ADGRE3: variants seen among roughly 807,000 people sequenced by gnomAD.
The protein encoded by ADGRE3 is EGF-like module receptor 3.
A neutral mutation model predicts 80.1 loss-of-function variants in ADGRE3; 88 were observed. That is an observed-to-expected ratio of 1.10 (90% CI 0.93 to 1.31). The LOEUF (loss-of-function observed/expected upper bound fraction) is 1.31. Ranked by LOEUF, ADGRE3 falls within the 40% of genes most tolerant of loss-of-function variation. ADGRE3 has a pLI of 0.00. For missense variants in ADGRE3, 715 were observed against 776.5 expected, an observed-to-expected ratio of 0.92 and a Z score of 0.94; for synonymous variants, 281 against 294.8, an observed-to-expected ratio of 0.95 and a Z score of 0.48.
At chr19:14,650,238 A>G (rs1250170097) in intron 7 of ADGRE3, among the ~76,000 whole-genome samples, 1 of 100,278 alleles carries the variant, frequency 1.0e-5, no homozygotes. Flanking sequence ...CTCTCTTTCC[A>G]TCTCTCTTCC....
the ADGRE3 span, chr19:14,600,243 T>C: frequency 1.2e-3 from 1,820 of 1,581,952 alleles, 19 homozygotes; most frequent in African/African-American, 0.021. Flanking sequence ...TCTTCCAGGA[T>C]GCACACATCC....
intron 2 of ADGRE3, among the ~76,000 whole-genome samples, chr19:14,664,430 G>A (rs770345088): frequency 3.3e-5 from 5 of 152,188 alleles, no homozygotes; most frequent in Admixed American, 6.6e-5. Flanking sequence ...GGCATGGTGA[G>A]CACGCCTGTT....
intron 6 of ADGRE3, among the ~76,000 whole-genome samples, chr19:14,652,652 C>T (rs1568492217): frequency 1.3e-5 from 2 of 151,546 alleles, no homozygotes; most frequent in African/African-American, 4.8e-5. Context: ...GTGGCAGGCA[C>T]CTTTAATCCC....
the ADGRE3 span, among the ~76,000 whole-genome samples, chr19:14,607,495 G>A: frequency 3.7e-4 from 56 of 151,616 alleles, no homozygotes; most frequent in East Asian, 5.0e-3. Flanking sequence ...GAGCCACCGC[G>A]CCCGGCCAGG....
Position 14,622,124 on chromosome 19 carries a change from G to T in ADGRE3, c.1921-2653C>A. 32 of 1,052,448 alleles carry T rather than the reference G, an allele frequency of 3.0e-5. 11 individuals carry two copies. Among genetic ancestry groups the T allele is most frequent in the Non-Finnish European group, 3.8e-5 (29 of 757,910 alleles). 65.2% of individuals were successfully genotyped at this position (1,052,448 alleles called of 1,614,324 possible). A position where few individuals can be genotyped will look rare whatever the true frequency, so the allele number is the denominator to read the frequency against. On this transcript the variant is annotated intron_variant, in intron 15 of 15. Transcript: ENST00000253673. ...ATGCTCAGCACAGACACCAAGGCAG[G>T]TCTGACACATCTCACACGTTTGCCC...
intron 15 of ADGRE3, among the ~76,000 whole-genome samples, chr19:14,620,547 ATTATATATATATATATATATATTTTTTTT>A (rs1970551911): frequency 7.2e-5 from 1 of 13,962 alleles, no homozygotes. Context: ...TTATATATAT[ATTATATATATATATATATATATTTTTTTT>A]TTTTTTTTTT....
downstream of ADGRE3, among the ~76,000 whole-genome samples, chr19:14,617,769 A>C (rs146006212): frequency 1.1e-4 from 17 of 152,070 alleles, no homozygotes; most frequent in Admixed American, 2.0e-4. Flanking sequence ...TTATTCTTCC[A>C]AGATTTTAAT....
intron 8 of ADGRE3, among the ~76,000 whole-genome samples, chr19:14,644,480 C>T (rs1056606382): frequency 2.6e-5 from 4 of 152,004 alleles, no homozygotes; most frequent in Admixed American, 2.6e-4. Flanking sequence ...AGTACCACAC[C>T]AGGCTAATTT....
chr19:14,647,232 T>G lies in ADGRE3; in HGVS notation c.831A>C (p.Lys277Asn), dbSNP rs750487120. Residue 277 changes from lysine to asparagine, a missense_variant, in exon 8 of 16, where the codon AAA (lysine) becomes AAC (asparagine). Lys to Asn is a moderately conservative substitution (Grantham distance 94). Transcript: ENST00000253673. ...CAGACTTGGAGAGAGACACGTTCCT[T>G]TTGGGTCCAATAGCAGCACTCACAA... ...SQVVSAAIGP[K>N]RNVSLSKSVT... 3.1e-6 allele frequency: 5 copies of G among 1,613,856 alleles called. No homozygotes were observed. The highest frequency in any genetic ancestry group is 4.2e-6 in the Non-Finnish European group (5 of 1,179,958).
At chr19:14,643,143 GGTTTTTTT>G (rs1971298417) in intron 9 of ADGRE3, among the ~76,000 whole-genome samples, 1 of 122,064 alleles carries the variant, frequency 8.2e-6, no homozygotes, top group Non-Finnish European at 1.6e-5. Flanking sequence ...TAGTAATCAT[GGTTTTTTT>G]TTTTTTTTTT....
chr19:14,626,652 C>G (rs1038744577), intron 14 of ADGRE3, among the ~76,000 whole-genome samples: 8 of 152,072 alleles, frequency 5.3e-5, no homozygotes, highest in Non-Finnish European at 1.0e-4. Context: ...GGGGTGATCC[C>G]AAGAAGCACC....
Position 14,628,441 on chromosome 19 carries a change from A to AAAAT in ADGRE3, c.1812+1594_1812+1597dup, listed in dbSNP as rs564499487. Among the ~76,000 whole-genome samples the AAAAT allele has an allele frequency of 2.9e-3, 446 of 152,022 alleles. 4 individuals are homozygous for AAAAT. Among genetic ancestry groups the AAAAT allele is most frequent in the African/African-American group, 9.5e-3 (394 of 41,438 alleles). On this transcript the variant is annotated intron_variant, in intron 14 of 15. Transcript: ENST00000253673. The stretch of plus-strand genomic sequence containing the variant: ...GTGACAGAGCAAGAATCTGTCTCAA[A>AAAAT]AAATAAATAAATAAATAAATAAATA...
intron 11 of ADGRE3, among the ~76,000 whole-genome samples, chr19:14,636,393 A>C (rs1475733427): frequency 6.6e-6 from 1 of 150,958 alleles, no homozygotes; most frequent in Non-Finnish European, 1.5e-5. Flanking sequence ...TTTTTAGTAG[A>C]GATGGGTTTT....
chr19:14,668,080 C>G (rs1266008036), intron 2 of ADGRE3, among the ~76,000 whole-genome samples: 1 of 151,894 alleles, frequency 6.6e-6, no homozygotes, highest in Non-Finnish European at 1.5e-5. Context: ...ATGGTGAAAC[C>G]CAGTCTCTAC....
At chr19:14,619,608 C>A in intron 15 of ADGRE3, 137 bp from the exon 16 acceptor site, 2 of 671,754 alleles carry the variant, frequency 3.0e-6, no homozygotes, top group Non-Finnish European at 5.2e-6. Context: ...GATCTCCTAG[C>A]ATTTAAAAAT....
At position 14,644,272 on chromosome 19, in the gene ADGRE3, T is replaced by C; in HGVS notation, c.886A>G (p.Thr296Ala). Reference sequence around the variant, plus strand: ...CAGAAGACCTTTTTGGTACTGGGGGTCATCTGAAAATAGAAAATAGAAAGG... The same window carrying C: ...CAGAAGACCTTTTTGGTACTGGGGGCCATCTGAAAATAGAAAATAGAAAGG... ...VTLTFQHVKM[T>A]PSTKKVFCVY... Residue 296 changes from threonine (T) to alanine (A), a missense_variant, in exon 9 of 16, where the codon ACC becomes GCC. By Grantham distance (58) the Thr-to-Ala change is moderately conservative. Transcript: ENST00000253673. 1 of 1,505,980 alleles carries C rather than the reference T, an allele frequency of 6.6e-7. No individual in the cohort carries two copies. 93.3% of individuals were successfully genotyped at this position (1,505,980 alleles called of 1,614,324 possible).
chr19:14,606,448 G>A, the ADGRE3 span, among the ~76,000 whole-genome samples: 2 of 151,950 alleles, frequency 1.3e-5, no homozygotes, highest in Non-Finnish European at 2.9e-5. Context: ...GGAGGCTGAG[G>A]CAGGTGAATC....
chr19:14,615,199 C>CTTTTTTTTTTTTTTTTTTTTTTTT (rs1227946914), downstream of ADGRE3, among the ~76,000 whole-genome samples: 1 of 91,024 alleles, frequency 1.1e-5, no homozygotes, highest in Non-Finnish European at 2.4e-5. Flanking sequence ...CTACAGCTGC[C>CTTTTTTTTTTTTTTTTTTTTTTTT]TTCTTTTTTT....
Position 14,628,197 on chromosome 19 carries a change from C to T in ADGRE3, c.1812+1842G>A, listed in dbSNP as rs371402837. Among the ~76,000 whole-genome samples the T allele has an allele frequency of 8.0e-5, 12 of 150,418 alleles. No individual in the cohort carries two copies. In the East Asian group the frequency reaches 2.0e-3, roughly 24 times the overall value. On this transcript the variant is annotated intron_variant, in intron 14 of 15. Coordinates refer to ENST00000253673, the MANE Select transcript of ADGRE3 (RefSeq NM_032571.5). ...AAACTGGATGCTATGATATGCCTCA[C>T]AAACTGAGATAAACTAAGGGAAGAG...
Sources: allele counts gnomAD v4.1 joint callset (sites outside exome capture counted in the v4.1 genomes callset), GRCh38; gene constraint gnomAD v4.1.1; transcripts MANE v1.5; gene names NCBI Gene and HGNC (gene_info 2026-07-23, HGNC 2026-07-21).